GNAQ: variants seen among roughly 807,000 people sequenced by gnomAD.
The protein encoded by GNAQ is G protein subunit alpha q.
In GNAQ, 8 loss-of-function variants were observed where a neutral mutation model predicts 43.9. The observed-to-expected ratio is 0.18, with a 90% CI of 0.11 to 0.33. GNAQ has a LOEUF of 0.33. Among genes scored for constraint, GNAQ ranks in the 10% least tolerant of loss-of-function variants. The pLI, the probability that GNAQ is intolerant of heterozygous loss-of-function variation, is 1.00. For synonymous variants in GNAQ, 155 were observed against 170.7 expected, an observed-to-expected ratio of 0.91 and a Z score of 0.71; for missense variants, 158 against 450.8, an observed-to-expected ratio of 0.35 and a Z score of 5.88.
chr9:77,962,212 A>G (rs1280060033), intron 1 of GNAQ, among the ~76,000 whole-genome samples: 1 of 152,184 alleles, frequency 6.6e-6, no homozygotes, highest in East Asian at 1.9e-4. Flanking sequence ...TTGGAATTTG[A>G]GTACTAGAAG....
chr9:77,747,127 G>C (rs1825742963), intron 5 of GNAQ, among the ~76,000 whole-genome samples: 1 of 152,028 alleles, frequency 6.6e-6, no homozygotes, highest in Admixed American at 6.6e-5. Context: ...AAACACAGGA[G>C]AGTTTTCACT....
At position 77,863,779 on chromosome 9, in the gene GNAQ, T is replaced by C. The variant is rs185041594; in HGVS notation, c.322-48009A>G. Among the ~76,000 whole-genome samples, 21 of 152,284 alleles carry C rather than the reference T, an allele frequency of 1.4e-4. No homozygotes were observed. The East Asian group carries it at 1.9e-3, about 14-fold the overall frequency. ...AAGGAGGAGCAAGTCATGTCTTACA[T>C]GGCTGGCAGCAGGCAAAGAGAGAGC... On this transcript the variant is annotated intron_variant, in intron 2 of 6. Coordinates refer to ENST00000286548, the MANE Select transcript of GNAQ (RefSeq NM_002072.5).
chr9:77,974,170 T>C (rs1200511318), intron 1 of GNAQ, among the ~76,000 whole-genome samples: 8 of 152,128 alleles, frequency 5.3e-5, no homozygotes, highest in African/African-American at 1.7e-4. Flanking sequence ...TTTAAGACAC[T>C]GAAGAACTCG....
At chr9:77,745,768 A>T (rs977540772) in intron 5 of GNAQ, among the ~76,000 whole-genome samples, 1 of 151,686 alleles carries the variant, frequency 6.6e-6, no homozygotes, top group African/African-American at 2.4e-5. Context: ...ATAAAAAAAG[A>T]ATTAGTCAAA....
At position 77,929,705 on chromosome 9, in the gene GNAQ, T is replaced by C. The variant is rs1015876956; in HGVS notation, c.137-7360A>G. Among the ~76,000 whole-genome samples the C allele has an allele frequency of 5.3e-5, 8 of 152,094 alleles. No homozygotes were observed. In the South Asian group the frequency reaches 1.2e-3, roughly 24 times the overall value. Reference sequence around the variant, plus strand: ...AAAAAATTAGCCCGGTGTGGTGATGTGCGCCTGTAGTTCCTTCGGGAGGCT... The same window carrying C: ...AAAAAATTAGCCCGGTGTGGTGATGCGCGCCTGTAGTTCCTTCGGGAGGCT... On this transcript the variant is annotated intron_variant, in intron 1 of 6. Transcript: ENST00000286548.
chr9:77,761,301 C>A (rs1232649384), intron 5 of GNAQ, among the ~76,000 whole-genome samples: 1 of 129,520 alleles, frequency 7.7e-6, no homozygotes, highest in African/African-American at 2.9e-5. Context: ...GCCTGGCCAG[C>A]CGCCCCATCC....
chr9:77,811,301 A>ATTATAAAGATATGAAGATATCT (rs1219493953), intron 3 of GNAQ, among the ~76,000 whole-genome samples: 4 of 150,716 alleles, frequency 2.7e-5, no homozygotes, highest in African/African-American at 9.7e-5. Flanking sequence ...GATAGGAACA[A>ATTATAAAGATATGAAGATATCT]TTATAAAGAT....
chr9:77,964,051 C>T (rs906530189), intron 1 of GNAQ, among the ~76,000 whole-genome samples: 1 of 152,086 alleles, frequency 6.6e-6, no homozygotes, highest in South Asian at 2.1e-4. Flanking sequence ...CGTGATGGGG[C>T]TTATGTTGGG....
At chr9:77,930,692 T>C (rs1006026944) in intron 1 of GNAQ, among the ~76,000 whole-genome samples, 1 of 152,208 alleles carries the variant, frequency 6.6e-6, no homozygotes, top group Non-Finnish European at 1.5e-5. Context: ...TCAAAGTCAT[T>C]ACATACTTTA....
chr9:77,931,065 C>T lies in GNAQ; in HGVS notation c.137-8720G>A, dbSNP rs184392333. On this transcript the variant is annotated intron_variant, in intron 1 of 6. Coordinates refer to ENST00000286548, the MANE Select transcript of GNAQ (RefSeq NM_002072.5). ...TTATCCCGAAACCAACCCCCCGACC[C>T]GACCCCCATCCCTGGAAAAATTGCC... 2.0e-5 allele frequency among the ~76,000 whole-genome samples: 3 copies of T among 151,522 alleles called. No individual in the cohort carries two copies. In the East Asian group the frequency reaches 5.9e-4, roughly 30 times the overall value.
At chr9:77,879,772 A>C (rs1180766953) in intron 2 of GNAQ, among the ~76,000 whole-genome samples, 3 of 152,226 alleles carry the variant, frequency 2.0e-5, no homozygotes, top group Admixed American at 1.3e-4. Flanking sequence ...GATTCAACCG[A>C]AAGACTTAGA....
At chr9:77,770,296 A>T (rs1438963533) in intron 5 of GNAQ, among the ~76,000 whole-genome samples, 1 of 152,196 alleles carries the variant, frequency 6.6e-6, no homozygotes, top group Non-Finnish European at 1.5e-5. Flanking sequence ...AATCAACAGA[A>T]ATTGTATCCA....
chr9:77,803,418 AG>A (rs2118477642), intron 3 of GNAQ, among the ~76,000 whole-genome samples: 1 of 152,218 alleles, frequency 6.6e-6, no homozygotes, highest in East Asian at 1.9e-4. Context: ...GTGCAAACTG[AG>A]GAGGTGGGAC....
At chr9:77,885,704 C>A (rs1237790904) in intron 2 of GNAQ, among the ~76,000 whole-genome samples, 1 of 151,208 alleles carries the variant, frequency 6.6e-6, no homozygotes, top group Non-Finnish European at 1.5e-5. Context: ...CACTAAAAAT[C>A]ACTCATAATT....
At chr9:77,946,885 C>CA (rs1166679447) in intron 1 of GNAQ, among the ~76,000 whole-genome samples, 5 of 152,220 alleles carry the variant, frequency 3.3e-5, no homozygotes, top group African/African-American at 1.2e-4. Flanking sequence ...GGTTTGTTTG[C>CA]AAAAAATACA....
At chr9:78,008,599 C>T (rs550600490) in intron 1 of GNAQ, among the ~76,000 whole-genome samples, 1 of 146,086 alleles carries the variant, frequency 6.8e-6, no homozygotes, top group African/African-American at 2.8e-5. Flanking sequence ...CATTTCATTT[C>T]ATTTCATTTC....
chr9:77,892,093 AAAC>A (rs1828414840), intron 2 of GNAQ, among the ~76,000 whole-genome samples: 1 of 152,152 alleles, frequency 6.6e-6, no homozygotes, highest in South Asian at 2.1e-4. Flanking sequence ...TATTATTTTA[AAAC>A]ATACTAGGTT....
chr9:77,725,912 C>A (rs1180041776), intron 6 of GNAQ, among the ~76,000 whole-genome samples: 1 of 152,158 alleles, frequency 6.6e-6, no homozygotes, highest in Non-Finnish European at 1.5e-5. Flanking sequence ...GCAAGCACAT[C>A]ATGAAAACGT....
At chr9:77,888,461 C>G (rs768993759) in intron 2 of GNAQ, among the ~76,000 whole-genome samples, 2 of 152,136 alleles carry the variant, frequency 1.3e-5, no homozygotes, top group South Asian at 4.1e-4. Context: ...AACAACTTTC[C>G]TGAGCAGAGT....
Sources: allele counts gnomAD v4.1 joint callset (sites outside exome capture counted in the v4.1 genomes callset), GRCh38; gene constraint gnomAD v4.1.1; transcripts MANE v1.5; gene names NCBI Gene and HGNC (gene_info 2026-07-23, HGNC 2026-07-21).